RPSA2: variants seen among roughly 807,000 people sequenced by gnomAD.
RPSA2 encodes the protein ribosomal protein SA 2.
chr19:23,773,400 C>T, the RPSA2 span, among the ~76,000 whole-genome samples: 5 of 151,886 alleles, frequency 3.3e-5, no homozygotes, highest in South Asian at 2.1e-4. Flanking sequence ...TCTCCTGCCT[C>T]AGCGTCCTGA....
At chr19:23,791,482 G>A in the RPSA2 span, among the ~76,000 whole-genome samples, 1 of 152,146 alleles carries the variant, frequency 6.6e-6, no homozygotes, top group Non-Finnish European at 1.5e-5. Flanking sequence ...AGCCACCTCA[G>A]TCTAATTGCC....
At chr19:23,856,208 A>G in the RPSA2 span, among the ~76,000 whole-genome samples, 1 of 152,144 alleles carries the variant, frequency 6.6e-6, no homozygotes, top group Non-Finnish European at 1.5e-5. Flanking sequence ...GTATGTCATT[A>G]GGATGGCACT....
At chr19:23,866,682 T>C in the RPSA2 span, among the ~76,000 whole-genome samples, 2 of 152,000 alleles carry the variant, frequency 1.3e-5, no homozygotes, top group African/African-American at 4.8e-5. Context: ...CATTCCCAGT[T>C]CAGACCACAA....
the RPSA2 span, among the ~76,000 whole-genome samples, chr19:23,763,962 T>C: frequency 6.6e-6 from 1 of 152,194 alleles, no homozygotes; most frequent in East Asian, 1.9e-4. Context: ...GTCACCTTAT[T>C]TGTATGATAC....
At chr19:23,781,732 A>G in the RPSA2 span, among the ~76,000 whole-genome samples, 1 of 152,216 alleles carries the variant, frequency 6.6e-6, no homozygotes, top group African/African-American at 2.4e-5. Flanking sequence ...CCCAACATAC[A>G]GGAGGTGTTG....
At chr19:23,824,580 C>CTTTCTTTCTTTTTTTTTTTTTTTTTTTTT in the RPSA2 span, among the ~76,000 whole-genome samples, 1 of 63,822 alleles carries the variant, frequency 1.6e-5, no homozygotes, top group African/African-American at 6.1e-5. Flanking sequence ...TATAGCATTT[C>CTTTCTTTCTTTTTTTTTTTTTTTTTTTTT]TTTTTTTTTT....
At chr19:23,861,786 C>T in the RPSA2 span, among the ~76,000 whole-genome samples, 1 of 152,124 alleles carries the variant, frequency 6.6e-6, no homozygotes, top group African/African-American at 2.4e-5. Context: ...AATAGCTAGG[C>T]TGTAATTTAT....
chr19:23,778,989 G>A, the RPSA2 span, among the ~76,000 whole-genome samples: 2 of 120,548 alleles, frequency 1.7e-5, no homozygotes, highest in African/African-American at 6.2e-5. Flanking sequence ...AGTGATTTTT[G>A]TGACACTTTT....
chr19:23,780,398 C>G, the RPSA2 span, among the ~76,000 whole-genome samples: 1 of 152,274 alleles, frequency 6.6e-6, no homozygotes, highest in East Asian at 1.9e-4. Context: ...AATCCCAGCA[C>G]TTTGGGAGGC....
At chr19:23,848,884 G>T in the RPSA2 span, among the ~76,000 whole-genome samples, 1 of 152,322 alleles carries the variant, frequency 6.6e-6, no homozygotes, top group Non-Finnish European at 1.5e-5. Context: ...TCCAGCAGTG[G>T]TGACCAGTGC....
chr19:23,819,255 C>T, the RPSA2 span: 1 of 152,164 alleles, frequency 6.6e-6, no homozygotes. Flanking sequence ...GTTGTTTCCT[C>T]AAGCTTCCAC....
the RPSA2 span, among the ~76,000 whole-genome samples, chr19:23,867,424 T>C: frequency 6.6e-6 from 1 of 152,342 alleles, no homozygotes; most frequent in East Asian, 1.9e-4. Context: ...AATGAAAACT[T>C]TAATAACCTA....
the RPSA2 span, among the ~76,000 whole-genome samples, chr19:23,870,941 G>A: frequency 3.8e-3 from 585 of 152,280 alleles, 1 homozygote; most frequent in Middle Eastern, 6.8e-3. Flanking sequence ...ATGCTAAGGG[G>A]AGCCACTCCC....
the RPSA2 span, among the ~76,000 whole-genome samples, chr19:23,866,268 A>G: frequency 1.3e-5 from 2 of 152,332 alleles, no homozygotes; most frequent in African/African-American, 2.4e-5. Flanking sequence ...TGGCTGCAAG[A>G]TGCAGTGCAG....
chr19:23,781,073 C>T, the RPSA2 span, among the ~76,000 whole-genome samples: 1 of 152,176 alleles, frequency 6.6e-6, no homozygotes, highest in Non-Finnish European at 1.5e-5. Flanking sequence ...CTACCAGGTT[C>T]AAGCGATTCT....
the RPSA2 span, among the ~76,000 whole-genome samples, chr19:23,852,404 A>T: frequency 6.6e-6 from 1 of 152,184 alleles, no homozygotes; most frequent in Non-Finnish European, 1.5e-5. Flanking sequence ...GGGGTCTCAC[A>T]GCCTTCAGAG....
At chr19:23,767,344 G>T in the RPSA2 span, among the ~76,000 whole-genome samples, 1 of 151,984 alleles carries the variant, frequency 6.6e-6, no homozygotes. Context: ...CTCTCAAAGT[G>T]CAGGGATTAC....
the RPSA2 span, among the ~76,000 whole-genome samples, chr19:23,868,258 C>T: frequency 4.1e-3 from 617 of 152,268 alleles, 5 homozygotes; most frequent in African/African-American, 0.013. Context: ...CTCGATTTGC[C>T]TTCTCTGTGC....
chr19:23,827,655 A>G, the RPSA2 span: 3 of 1,596,088 alleles, frequency 1.9e-6, no homozygotes, highest in African/African-American at 4.0e-5. Context: ...CCATGCAACA[A>G]CAAGGGAGCT....
Sources: gnomAD v4.1 joint callset for allele counts (sites outside exome capture counted in the v4.1 genomes callset) on GRCh38, gnomAD v4.1.1 for gene constraint, MANE v1.5 for transcripts, NCBI Gene and HGNC (gene_info 2026-07-23, HGNC 2026-07-21) for gene names.